CDH13: variants seen among roughly 807,000 people sequenced by gnomAD.
The protein encoded by CDH13 is cadherin 13.
In CDH13, 24 loss-of-function variants were observed where a neutral mutation model predicts 63.8. The observed-to-expected ratio is 0.38, with a 90% confidence interval of 0.27 to 0.53. The LOEUF is 0.53. CDH13 is among the 20% of genes least tolerant of loss of function. The pLI is 0.85. For synonymous variants in CDH13, 503 were observed against 355.3 expected, an observed-to-expected ratio of 1.42 and a Z score of -4.67; for missense variants, 1,049 against 903.1, an observed-to-expected ratio of 1.16 and a Z score of -2.07.
chr16:82,663,333 T>G (rs1912194337), intron 1 of CDH13, among the ~76,000 whole-genome samples: 1 of 152,128 alleles, frequency 6.6e-6, no homozygotes. Context: ...ATTACAGGCA[T>G]GCAGCACCAG....
chr16:83,741,471 T>C (rs898421942), intron 10 of CDH13, among the ~76,000 whole-genome samples: 8 of 93,622 alleles, frequency 8.5e-5, no homozygotes, highest in African/African-American at 3.6e-4. Flanking sequence ...CCTATCCTAC[T>C]ATATATATGT....
chr16:83,602,168 C>T (rs961277949), intron 7 of CDH13, among the ~76,000 whole-genome samples: 2 of 112,396 alleles, frequency 1.8e-5, no homozygotes, highest in African/African-American at 6.9e-5. Context: ...TATACCCAAG[C>T]CCAGGAAATG....
intron 4 of CDH13, among the ~76,000 whole-genome samples, chr16:83,143,569 G>C (rs924781931): frequency 2.0e-5 from 3 of 152,160 alleles, no homozygotes; most frequent in Non-Finnish European, 4.4e-5. Context: ...TTATACACTA[G>C]TTCCTTATCT....
At chr16:83,148,206 G>A (rs1236673391) in intron 4 of CDH13, among the ~76,000 whole-genome samples, 1 of 152,202 alleles carries the variant, frequency 6.6e-6, no homozygotes, top group African/African-American at 2.4e-5. Flanking sequence ...CCAAAGTGCT[G>A]GGATTACAGA....
At chr16:83,718,503 C>A (rs1229190343) in intron 10 of CDH13, among the ~76,000 whole-genome samples, 1 of 152,146 alleles carries the variant, frequency 6.6e-6, no homozygotes, top group African/African-American at 2.4e-5. Context: ...TTTAACCAAG[C>A]AGTGGAATGT....
intron 5 of CDH13, among the ~76,000 whole-genome samples, chr16:83,244,053 C>T (rs1271753017): frequency 1.1e-4 from 17 of 152,030 alleles, no homozygotes; most frequent in Non-Finnish European, 7.4e-5. Flanking sequence ...ACTTCTGCCA[C>T]CAAAATTAGA....
chr16:83,572,833 A>T (rs1395113107), intron 7 of CDH13, among the ~76,000 whole-genome samples: 1 of 152,112 alleles, frequency 6.6e-6, no homozygotes, highest in East Asian at 1.9e-4. Flanking sequence ...TGTTTTAAGG[A>T]TTTGATGCAT....
intron 6 of CDH13, among the ~76,000 whole-genome samples, chr16:83,379,363 C>G (rs994751112): frequency 6.6e-6 from 1 of 152,108 alleles, no homozygotes; most frequent in Non-Finnish European, 1.5e-5. Flanking sequence ...GGTACAAAGT[C>G]ACTCCAGAAC....
intron 3 of CDH13, among the ~76,000 whole-genome samples, chr16:83,086,881 G>C (rs2033628428): frequency 6.6e-6 from 1 of 152,152 alleles, no homozygotes; most frequent in African/African-American, 2.4e-5. Context: ...TGAAGAATTA[G>C]ACTTGGCAGA....
intron 10 of CDH13, among the ~76,000 whole-genome samples, chr16:83,717,612 G>A (rs1037766683): frequency 2.1e-4 from 32 of 152,352 alleles, no homozygotes; most frequent in Middle Eastern, 6.8e-3. Flanking sequence ...TAATGATCAC[G>A]GGGACGCTGT....
rs964107548 is a variant in CDH13, at chr16:82,941,162, G to A, written c.157+82689G>A. Among the ~76,000 whole-genome samples, 15 of 152,246 alleles carry A rather than the reference G, an allele frequency of 9.9e-5. No individual in the cohort carries two copies. In the South Asian group the frequency reaches 1.0e-3, roughly 11 times the overall value. On this transcript the variant is annotated intron_variant, in intron 2 of 13. Transcript: ENST00000567109. ...AGAGTGAACAAAATGCCTAAATTCC[G>A]TTCATCCACATTCATTTATTTATTC... is the stretch of plus-strand genomic sequence containing the variant.
At chr16:83,511,959 A>G (rs981095188) in intron 7 of CDH13, among the ~76,000 whole-genome samples, 2 of 152,162 alleles carry the variant, frequency 1.3e-5, no homozygotes, top group African/African-American at 4.8e-5. Flanking sequence ...TGCTTGGTGA[A>G]TAGTTCCAGC....
intron 3 of CDH13, among the ~76,000 whole-genome samples, chr16:83,039,491 C>T (rs532979993): frequency 1.6e-4 from 25 of 152,288 alleles, no homozygotes; most frequent in African/African-American, 5.5e-4. Context: ...AGTGCTTTTC[C>T]TTCCTAGGCT....
At chr16:83,385,356 A>G (rs2091652386) in intron 6 of CDH13, among the ~76,000 whole-genome samples, 1 of 152,198 alleles carries the variant, frequency 6.6e-6, no homozygotes, top group African/African-American at 2.4e-5. Flanking sequence ...TGATAAATGA[A>G]TCTCCCAGCA....
At chr16:82,961,775 T>A (rs1907045117) in intron 2 of CDH13, among the ~76,000 whole-genome samples, 2 of 152,118 alleles carry the variant, frequency 1.3e-5, no homozygotes, top group African/African-American at 4.8e-5. Context: ...TGGGGTGATT[T>A]GGCCTCTGCA....
intron 2 of CDH13, among the ~76,000 whole-genome samples, chr16:82,927,010 G>C (rs977828063): frequency 6.1e-5 from 8 of 131,292 alleles, no homozygotes; most frequent in African/African-American, 2.1e-4. Context: ...AGTTAGGGTA[G>C]CTTGAAGGCT....
intron 2 of CDH13, among the ~76,000 whole-genome samples, chr16:82,911,244 G>A (rs1050229421): frequency 1.3e-5 from 2 of 152,208 alleles, no homozygotes; most frequent in Admixed American, 1.3e-4. Flanking sequence ...AATGTGGTCT[G>A]TGTGAAAAAG....
intron 2 of CDH13, among the ~76,000 whole-genome samples, chr16:82,891,898 C>G (rs888537845): frequency 6.6e-6 from 1 of 152,150 alleles, no homozygotes; most frequent in Non-Finnish European, 1.5e-5. Context: ...CTGCTGGTCA[C>G]GTGTCCCTTA....
chr16:82,698,051 GATGA>G (rs1009207680), intron 1 of CDH13, among the ~76,000 whole-genome samples: 39 of 151,988 alleles, frequency 2.6e-4, no homozygotes, highest in African/African-American at 4.8e-5. Flanking sequence ...CTGTTGAATG[GATGA>G]ATGAATGAAT....
Sources: allele counts gnomAD v4.1 joint callset (sites outside exome capture counted in the v4.1 genomes callset), GRCh38; gene constraint gnomAD v4.1.1; transcripts MANE v1.5; gene names NCBI Gene and HGNC (gene_info 2026-07-23, HGNC 2026-07-21).